CSMD2: variants seen among roughly 807,000 people sequenced by gnomAD.
CSMD2 encodes the protein CUB and Sushi multiple domains 2.
Under a neutral mutation model 398.5 loss-of-function variants are expected in CSMD2, and 130 were observed. That is an observed-to-expected ratio of 0.33 (90% CI 0.28 to 0.38). The LOEUF is 0.38. Ranked by LOEUF, CSMD2 falls within the 10% of genes least tolerant of loss-of-function variation. CSMD2 has a pLI of 1.00. For missense variants in CSMD2, 3,829 were observed against 4,764.9 expected (o/e 0.80, Z 5.78); for synonymous variants, 1,828 against 1,908.5 (o/e 0.96, Z 1.10).
chr1:33,647,393 G>C (rs1325678831), intron 28 of CSMD2, among the ~76,000 whole-genome samples: 3 of 152,096 alleles, frequency 2.0e-5, no homozygotes, highest in Non-Finnish European at 4.4e-5. Context: ...CTAACCCTTA[G>C]CTATTCTGAC....
chr1:34,042,948 G>A (rs1292076502), intron 2 of CSMD2, among the ~76,000 whole-genome samples: 1 of 9,016 alleles, frequency 1.1e-4, no homozygotes. Flanking sequence ...ACCATGCCTG[G>A]CTAATTTTTT....
intron 3 of CSMD2, among the ~76,000 whole-genome samples, chr1:33,981,041 C>T (rs1407065920): frequency 6.6e-6 from 1 of 152,092 alleles, no homozygotes; most frequent in Non-Finnish European, 1.5e-5. Context: ...TTTGTGGGCC[C>T]GTGAGAGATA....
In CSMD2 at chr1:33,692,934, T is replaced by C. The variant is rs766182774; in HGVS notation, c.4048A>G (p.Ile1350Val). 2 of 1,609,002 alleles carry C rather than the reference T, an allele frequency of 1.2e-6. No homozygotes were observed. Among genetic ancestry groups the C allele is most frequent in the Non-Finnish European group, 1.7e-6 (2 of 1,177,824 alleles). Residue 1350 changes from isoleucine to valine, a missense_variant, in exon 25 of 71, where the codon ATT becomes GTT. Coordinates refer to ENST00000373381, the MANE Select transcript of CSMD2 (RefSeq NM_001281956.2). ...TTTGTCAGCCCTGACACTTACCCAATGGTGCAGCCGGCCTCTGCTTCGATG... is the reference window on the plus strand; with the variant it reads ...TTTGTCAGCCCTGACACTTACCCAACGGTGCAGCCGGCCTCTGCTTCGATG... Reference protein sequence around the residue: ...WTIEAEAGCTIGLHFLVFDTE... With the variant: ...WTIEAEAGCTVGLHFLVFDTE...
chr1:33,984,860 AAGGC>A (rs149716735), intron 3 of CSMD2, among the ~76,000 whole-genome samples: 18,268 of 149,544 alleles, frequency 0.12, 1,880 homozygotes, highest in East Asian at 0.55. Flanking sequence ...GGAAGGAAGG[AAGGC>A]AGGCAGGCAG....
chr1:33,981,246 C>G (rs530904622), intron 3 of CSMD2, among the ~76,000 whole-genome samples: 4 of 152,324 alleles, frequency 2.6e-5, no homozygotes, highest in South Asian at 4.1e-4. Context: ...CACTCACTTC[C>G]CACTTATTTG....
chr1:33,998,738 G>A (rs1250082787), intron 3 of CSMD2, among the ~76,000 whole-genome samples: 5 of 152,166 alleles, frequency 3.3e-5, no homozygotes, highest in Non-Finnish European at 7.3e-5. Flanking sequence ...CAGGGCCCCT[G>A]GTTAAAATAT....
At chr1:33,771,944 A>G (rs1474338098) in intron 13 of CSMD2, among the ~76,000 whole-genome samples, 2 of 152,186 alleles carry the variant, frequency 1.3e-5, no homozygotes, top group African/African-American at 4.8e-5. Flanking sequence ...TTAAGATATC[A>G]TTTGTGCTGC....
intron 3 of CSMD2, among the ~76,000 whole-genome samples, chr1:33,966,184 T>C (rs2125408276): frequency 6.6e-6 from 1 of 152,294 alleles, no homozygotes; most frequent in African/African-American, 2.4e-5. Context: ...AGTCCAGCCT[T>C]GAGCCTCTGG....
At chr1:33,904,490 C>T (rs6425857) in intron 5 of CSMD2, among the ~76,000 whole-genome samples, 122,802 of 152,178 alleles carry the variant, frequency 0.81, 50,391 homozygotes, top group African/African-American at 0.95. Flanking sequence ...CCATTTTCTG[C>T]CTATGAATCT....
chr1:33,923,733 G>A (rs187576885), intron 4 of CSMD2, among the ~76,000 whole-genome samples: 23 of 152,130 alleles, frequency 1.5e-4, no homozygotes, highest in African/African-American at 2.9e-4. Flanking sequence ...GAATTTATTC[G>A]TCCTTCTACC....
At chr1:34,147,983 G>A (rs1203576830) in intron 1 of CSMD2, among the ~76,000 whole-genome samples, 2 of 152,138 alleles carry the variant, frequency 1.3e-5, no homozygotes, top group African/African-American at 4.8e-5. Flanking sequence ...TCGAAAGCCA[G>A]AGGCAGGACA....
chr1:34,037,620 T>G (rs1231431460), intron 2 of CSMD2, among the ~76,000 whole-genome samples: 1 of 152,234 alleles, frequency 6.6e-6, no homozygotes, highest in Admixed American at 6.5e-5. Flanking sequence ...CTCTCACCCA[T>G]GTCTACCAGA....
chr1:33,775,647 T>G (rs943162052), intron 12 of CSMD2, among the ~76,000 whole-genome samples: 1 of 152,170 alleles, frequency 6.6e-6, no homozygotes, highest in African/African-American at 2.4e-5. Context: ...GGGTCATCAG[T>G]AGGGGATGCT....
At chr1:33,652,602 G>T in intron 27 of CSMD2, 141 bp from the exon 28 acceptor site, 2 of 830,682 alleles carry the variant, frequency 2.4e-6, no homozygotes, top group Non-Finnish European at 3.7e-6. Flanking sequence ...TCAGGAGAAG[G>T]TGAAATGATG....
intron 1 of CSMD2, among the ~76,000 whole-genome samples, chr1:34,147,388 G>C (rs995892087): frequency 3.3e-5 from 5 of 152,336 alleles, no homozygotes; most frequent in East Asian, 3.9e-4. Flanking sequence ...ACGCTGAAGA[G>C]GGGGAGGGGA....
At chr1:33,706,772 G>GTA (rs1279526108) in intron 22 of CSMD2, among the ~76,000 whole-genome samples, 1 of 152,080 alleles carries the variant, frequency 6.6e-6, no homozygotes, top group Admixed American at 6.6e-5. Context: ...AAGAGTGTGT[G>GTA]TGTGTGTGCA....
chr1:33,980,478 A>C (rs1344100539), intron 3 of CSMD2, among the ~76,000 whole-genome samples: 2 of 152,236 alleles, frequency 1.3e-5, no homozygotes, highest in Non-Finnish European at 2.9e-5. Flanking sequence ...TGATTCATTC[A>C]TATACATCCC....
At chr1:33,847,632 T>C (rs1336935404) in intron 5 of CSMD2, among the ~76,000 whole-genome samples, 1 of 152,150 alleles carries the variant, frequency 6.6e-6, no homozygotes, top group East Asian at 1.9e-4. Context: ...TCTTCCTCTG[T>C]GATGCCACAA....
intron 62 of CSMD2, among the ~76,000 whole-genome samples, chr1:33,536,769 G>A (rs1244218329): frequency 5.3e-5 from 8 of 152,220 alleles, no homozygotes; most frequent in Non-Finnish European, 7.3e-5. Flanking sequence ...TGGGGTTGCC[G>A]GGAAGTGTTC....
Sources: gnomAD v4.1 joint callset for allele counts (sites outside exome capture counted in the v4.1 genomes callset) on GRCh38, gnomAD v4.1.1 for gene constraint, MANE v1.5 for transcripts, NCBI Gene and HGNC (gene_info 2026-07-23, HGNC 2026-07-21) for gene names.